The following TLN2 variants were observed in gnomAD, a reference collection of about 807,000 sequenced individuals.
TLN2 encodes talin 2, also known as talin-2.
A neutral mutation model predicts 294.7 loss-of-function variants in TLN2; 118 were observed. That is an observed-to-expected ratio of 0.40 (90% CI 0.34 to 0.47). TLN2 has a LOEUF of 0.47. TLN2 is among the 20% of genes least tolerant of loss of function. The pLI, the probability that TLN2 is intolerant of heterozygous loss-of-function variation, is 0.84. For synonymous variants in TLN2, 1,431 were observed against 1,304.5 expected (o/e 1.10, Z -2.09); for missense variants, 3,083 against 3,282.2 (o/e 0.94, Z 1.48).
Position 62,840,791 on chromosome 15 carries a change from C to G in TLN2, c.*181C>G, listed in dbSNP as rs891415051. ...GGCACTGGCTGCATGATCGTGATGT[C>G]ACACGGTACAATGTCCTACCCACAA... On this transcript the variant is annotated 3_prime_UTR_variant, in exon 59 of 59. Coordinates refer to ENST00000636159, the MANE Select transcript of TLN2 (RefSeq NM_015059.3). The G allele has an allele frequency of 3.7e-6, 3 of 811,584 alleles. No homozygotes were observed. Among genetic ancestry groups the G allele is most frequent in the Non-Finnish European group, 5.6e-6 (3 of 534,664 alleles). The allele number at this position is 811,584 out of a possible 1,614,324, so 50.3% of individuals were successfully genotyped here. A position where few individuals can be genotyped will look rare whatever the true frequency, so the allele number is the denominator to read the frequency against.
chr15:62,719,861 C>G lies in TLN2; in HGVS notation c.2972C>G (p.Ser991Cys), dbSNP rs754921651. ...AGTGCCCAGCTGGCTCTCATCATCT[C>G]CAGCCAGAACTTCCTCCAGGTAACA... Reference protein sequence around the residue: ...DLSAQLALIISSQNFLQPGSK... With the variant: ...DLSAQLALIICSQNFLQPGSK... Residue 991 changes from serine (S) to cysteine (C), a missense_variant, in exon 25 of 59, where the codon TCC (serine) becomes TGC (cysteine). Transcript: ENST00000636159. 5 of 1,610,540 alleles carry G rather than the reference C, an allele frequency of 3.1e-6. No homozygotes were observed. The highest frequency in any genetic ancestry group is 4.2e-6 in the Non-Finnish European group (5 of 1,178,296).
At chr15:62,598,791 G>A (rs369444228) in intron 2 of TLN2, among the ~76,000 whole-genome samples, 8 of 151,986 alleles carry the variant, frequency 5.3e-5, no homozygotes, top group African/African-American at 1.7e-4. Flanking sequence ...ATTCAGAATG[G>A]TGGTCTGAAT....
intron 2 of TLN2, among the ~76,000 whole-genome samples, chr15:62,600,899 G>A (rs185543842): frequency 5.9e-5 from 9 of 152,142 alleles, no homozygotes; most frequent in African/African-American, 1.4e-4. Flanking sequence ...AAATGTAAAC[G>A]TTATTAATAT....
intron 26 of TLN2, among the ~76,000 whole-genome samples, chr15:62,722,728 TCCTC>T (rs1228508932): frequency 1.3e-5 from 2 of 152,074 alleles, no homozygotes; most frequent in Admixed American, 6.5e-5. Context: ...GTTGTGTACT[TCCTC>T]CTCCTCCTCC....
chr15:62,417,622 T>C (rs2034161704), intron 1 of TLN2, among the ~76,000 whole-genome samples: 1 of 152,224 alleles, frequency 6.6e-6, no homozygotes, highest in Non-Finnish European at 1.5e-5. Context: ...ACTTTGCATC[T>C]GAGTTCAGGA....
At chr15:62,479,593 C>T (rs2037972618) in intron 1 of TLN2, among the ~76,000 whole-genome samples, 1 of 152,224 alleles carries the variant, frequency 6.6e-6, no homozygotes, top group Non-Finnish European at 1.5e-5. Context: ...TCTCCTGCCT[C>T]AGCCTCCTAA....
intron 51 of TLN2, among the ~76,000 whole-genome samples, chr15:62,806,295 C>T (rs2066278720): frequency 6.6e-6 from 1 of 152,210 alleles, no homozygotes; most frequent in South Asian, 2.1e-4. Flanking sequence ...GTCAGCCTTG[C>T]TGGCCCTAAT....
intron 57 of TLN2, among the ~76,000 whole-genome samples, chr15:62,837,767 G>C (rs2069920681): frequency 6.6e-6 from 1 of 152,216 alleles, no homozygotes; most frequent in Non-Finnish European, 1.5e-5. Context: ...TAAGCACATG[G>C]TGATTACTTG....
chr15:62,540,839 G>T (rs2041641961), intron 1 of TLN2, among the ~76,000 whole-genome samples: 1 of 152,190 alleles, frequency 6.6e-6, no homozygotes, highest in Non-Finnish European at 1.5e-5. Context: ...TCACCAGGGA[G>T]TTCAGACAGT....
rs149386638 is a variant in TLN2 at position 62,614,467 on chromosome 15, A to G, written c.-161-3884A>G. The stretch of plus-strand genomic sequence containing the variant: ...AAACTTTCAATTTTGCTGCTTGTAT[A>G]TCTAAATGGCCCTCTACTCCTTTAA... On this transcript the variant is annotated intron_variant, in intron 2 of 58. Coordinates refer to ENST00000636159, the MANE Select transcript of TLN2 (RefSeq NM_015059.3). Among the ~76,000 whole-genome samples the G allele has an allele frequency of 2.1e-3, 322 of 152,256 alleles. 1 individual carries two copies. The highest frequency in any genetic ancestry group is 6.9e-3 in the Admixed American group (106 of 15,300).
At position 62,581,011 on chromosome 15, in the gene TLN2, G is replaced by C. The variant is rs140019002; in HGVS notation, c.-237-8676G>C. Among the ~76,000 whole-genome samples the C allele has an allele frequency of 4.8e-3, 722 of 151,826 alleles. 7 individuals carry two copies. Among genetic ancestry groups the C allele is most frequent in the African/African-American group, 0.016 (659 of 41,388 alleles). On this transcript the variant is annotated intron_variant, in intron 1 of 58. Transcript: ENST00000636159. Reference sequence around the variant, plus strand: ...TGATTCTCCTGCCTCAGCTTCCCAGGTAGCTGGGATTACAGGCGCCCACCA... The same window carrying C: ...TGATTCTCCTGCCTCAGCTTCCCAGCTAGCTGGGATTACAGGCGCCCACCA...
chr15:62,488,783 T>C (rs71393103), intron 1 of TLN2, among the ~76,000 whole-genome samples: 9,987 of 152,286 alleles, frequency 0.066, 459 homozygotes, highest in Non-Finnish European at 0.095. Context: ...AATGTTCTGC[T>C]GAGTTGCTGA....
chr15:62,628,657 A>G (rs2049498071), intron 3 of TLN2, among the ~76,000 whole-genome samples: 1 of 152,218 alleles, frequency 6.6e-6, no homozygotes, highest in South Asian at 2.1e-4. Context: ...ATGGAAAGAC[A>G]ATCCAGTTAA....
chr15:62,391,004 C>T (rs1169062947), intron 1 of TLN2, among the ~76,000 whole-genome samples: 1 of 152,254 alleles, frequency 6.6e-6, no homozygotes, highest in Non-Finnish European at 1.5e-5. Flanking sequence ...AGAGCGGATT[C>T]CTGGCCGTGG....
chr15:62,589,550 A>G lies in TLN2; in HGVS notation c.-237-137A>G, dbSNP rs80288807. 6 of 152,292 alleles carry G rather than the reference A, an allele frequency of 3.9e-5. No individual in the cohort carries two copies. The East Asian group carries it at 1.2e-3, about 29-fold the overall frequency. The allele number at this position is 152,292 out of a possible 1,614,324, so 9.4% of individuals were successfully genotyped here. ...TGTGGGTAAAGAAAATTCCCAGCCC[A>G]TGTGTTGTGGCAGAAATTCATTGTT... On this transcript the variant is annotated intron_variant, in intron 1 of 58. Transcript: ENST00000636159.
At chr15:62,653,359 C>G (rs11635157) in intron 7 of TLN2, 45 bp downstream of exon 7, 1 of 1,562,998 alleles carries the variant, frequency 6.4e-7, no homozygotes, top group South Asian at 1.2e-5. Flanking sequence ...ACAGGCTTTG[C>G]TAAGCCTCAC....
intron 3 of TLN2, among the ~76,000 whole-genome samples, chr15:62,624,030 C>A (rs2049052269): frequency 6.6e-6 from 1 of 152,138 alleles, no homozygotes; most frequent in South Asian, 2.1e-4. Flanking sequence ...TACAGAGGAG[C>A]ACAGGGGATC....
chr15:62,423,991 T>C (rs2034562811), intron 1 of TLN2, among the ~76,000 whole-genome samples: 1 of 152,138 alleles, frequency 6.6e-6, no homozygotes, highest in South Asian at 2.1e-4. Flanking sequence ...TGCAACTAGA[T>C]GTAATCTGGG....
At position 62,692,884 on chromosome 15, in the gene TLN2, C is replaced by G. The variant is rs895989142; in HGVS notation, c.1158C>G (p.Thr386=). The change falls in exon 13 of 59, where the codon ACC becomes ACG. Residue 386 remains threonine, a synonymous_variant. Transcript: ENST00000636159. ...AAAGCTACTATTCAGTACAAACCAC[C>G]GAGGGAGAGCAGATATCCCAGCTGA... ...YQESYYSVQT[T]EGEQISQLIA... 6.2e-7 allele frequency: 1 copy of G among 1,613,404 alleles called. No homozygotes were observed.
Sources: allele counts gnomAD v4.1 joint callset (sites outside exome capture counted in the v4.1 genomes callset), GRCh38; gene constraint gnomAD v4.1.1; transcripts MANE v1.5; gene names NCBI Gene and HGNC (gene_info 2026-07-23, HGNC 2026-07-21).